Variants in KCNQ2 observed in about 807,000 individuals in gnomAD.
KCNQ2 encodes the protein potassium voltage-gated channel subfamily KQT member 2.
KCNQ2 carries 14 observed loss-of-function variants against 84.8 expected under a neutral mutation model. That is an observed-to-expected ratio of 0.17 (90% confidence interval 0.11 to 0.26). The LOEUF is 0.26. Ranked by LOEUF, KCNQ2 falls within the 10% of genes least tolerant of loss-of-function variation. The probability of loss-of-function intolerance (pLI) is 1.00; values close to 1 mark genes in which losing one functional copy is unlikely to be tolerated. For synonymous variants in KCNQ2, 599 were observed against 554.1 expected, an observed-to-expected ratio of 1.08 and a Z score of -1.14; for missense variants, 788 against 1,254.0, an observed-to-expected ratio of 0.63 and a Z score of 5.61.
chr20:63,470,236 A>AGCTGGGG (rs11281688), intron 1 of KCNQ2, among the ~76,000 whole-genome samples: 17,024 of 147,762 alleles, frequency 0.12, 1,403 homozygotes, highest in East Asian at 0.45. Flanking sequence ...AGAGCCTGGG[A>AGCTGGGG]GCTCAGGGAG....
chr20:63,417,893 T>C lies in KCNQ2; in HGVS notation c.1301+1726A>G, dbSNP rs563777137. ...GGGCCGCCGGGACGCAGCCCACGTG[T>C]ACTGCCCCAGACAGAGCCGGCGGGA... On this transcript the variant is annotated intron_variant, in intron 12 of 16. Coordinates refer to ENST00000359125, the MANE Select transcript of KCNQ2 (RefSeq NM_172107.4). 1.4e-3 allele frequency among the ~76,000 whole-genome samples: 217 copies of C among 152,192 alleles called. 3 individuals carry two copies. Among genetic ancestry groups the C allele is most frequent in the African/African-American group, 4.8e-3 (201 of 41,520 alleles).
At chr20:63,431,295 T>C in intron 9 of KCNQ2, 45 bp downstream of exon 9, 1 of 1,610,868 alleles carries the variant, frequency 6.2e-7, no homozygotes, top group Non-Finnish European at 8.5e-7. Context: ...GACACAGAAC[T>C]AGAACCACAC....
Position 63,408,579 on chromosome 20 carries a change from C to G in KCNQ2, c.1764-43G>C. 2 of 1,603,196 alleles carry G rather than the reference C, an allele frequency of 1.2e-6. No individual in the cohort carries two copies. The highest frequency in any genetic ancestry group is 1.7e-6 in the Non-Finnish European group (2 of 1,176,830). On this transcript the variant is annotated intron_variant, in intron 15 of 16. Coordinates refer to ENST00000359125, the MANE Select transcript of KCNQ2 (RefSeq NM_172107.4). This position sits in a 1 kb window ranked among gnomAD's most constrained non-coding sequence, Gnocchi z 5.0. ...CCCAAAGCATGAGTTCGGGTGGGTG[C>G]AGCAGGGCCCCTGCCCTCTCCTCCT...
intron 8 of KCNQ2, 176 bp downstream of exon 8, chr20:63,433,631 AAC>A: frequency 4.2e-6 from 5 of 1,191,448 alleles, no homozygotes; most frequent in Non-Finnish European, 6.0e-6. Flanking sequence ...CCGCAGCTCT[AAC>A]ACAAAGGGCA....
At chr20:63,412,424 A>C (rs2080148083) in intron 15 of KCNQ2, among the ~76,000 whole-genome samples, 1 of 152,204 alleles carries the variant, frequency 6.6e-6, no homozygotes, top group Non-Finnish European at 1.5e-5. Context: ...ACACGCAGCC[A>C]GGGTTGGCCG....
chr20:63,443,424 T>TCATCACCATCACCATCACCACCAC (rs2081313943), intron 4 of KCNQ2, among the ~76,000 whole-genome samples: 1 of 36,620 alleles, frequency 2.7e-5, no homozygotes, highest in Non-Finnish European at 7.5e-5. Context: ...ATCACCACCA[T>TCATCACCATCACCATCACCACCAC]CATCACCATC....
At chr20:63,421,815 G>A (rs2080479123) in intron 11 of KCNQ2, among the ~76,000 whole-genome samples, 1 of 152,046 alleles carries the variant, frequency 6.6e-6, no homozygotes. Context: ...CGTGGCCAAA[G>A]AGACCCCCCG....
chr20:63,428,563 C>T lies in KCNQ2; in HGVS notation c.1149-128G>A. On this transcript the variant is annotated intron_variant, in intron 9 of 16. Coordinates refer to ENST00000359125, the MANE Select transcript of KCNQ2 (RefSeq NM_172107.4). ...GACACCCGGCGGCATGTGACGTGGC[C>T]AGGCTTTCAGGCAGCTGCCCACTGG... The T allele has an allele frequency of 3.9e-6, 3 of 776,180 alleles. No individual in the cohort carries two copies. In the South Asian group the frequency reaches 4.8e-5, roughly 12 times the overall value. The allele number at this position is 776,180 out of a possible 1,614,324, so 48.1% of individuals were successfully genotyped here.
intron 1 of KCNQ2, among the ~76,000 whole-genome samples, chr20:63,455,145 G>GTGGGAGGACGCTGGGAGGACGA (rs2081743710): frequency 6.6e-6 from 1 of 152,160 alleles, no homozygotes; most frequent in South Asian, 2.1e-4. Flanking sequence ...TGGGAGGACG[G>GTGGGAGGACGCTGGGAGGACGA]TGGGAGGACG....
At chr20:63,410,828 C>T (rs1049545609) in intron 15 of KCNQ2, among the ~76,000 whole-genome samples, 1 of 152,172 alleles carries the variant, frequency 6.6e-6, no homozygotes, top group African/African-American at 2.4e-5. Context: ...ATTGGCTGTA[C>T]CCAGAAACTG....
At chr20:63,470,485 G>C (rs1387503725) in intron 1 of KCNQ2, among the ~76,000 whole-genome samples, 1 of 152,250 alleles carries the variant, frequency 6.6e-6, no homozygotes. Context: ...GGCAGAGACA[G>C]GAAGGAGAGA....
At chr20:63,447,888 T>G (rs1205269604) in intron 1 of KCNQ2, among the ~76,000 whole-genome samples, 1 of 152,070 alleles carries the variant, frequency 6.6e-6, no homozygotes, top group East Asian at 1.9e-4. Context: ...TGAGCTACCA[T>G]GCTCGGCCCA....
At chr20:63,442,341 G>C in intron 5 of KCNQ2, 65 bp downstream of exon 5, 1 of 1,610,562 alleles carries the variant, frequency 6.2e-7, no homozygotes, top group South Asian at 1.1e-5. Flanking sequence ...GTGAGAGCCT[G>C]GTCCCAGCAC....
intron 4 of KCNQ2, 26 bp downstream of exon 4, chr20:63,444,633 C>A: frequency 6.6e-7 from 1 of 1,513,132 alleles, no homozygotes; most frequent in East Asian, 2.4e-5. Flanking sequence ...GGGGCGCCCA[C>A]CGCCAGCCTT....
chr20:63,437,170 G>A (rs1167278372), intron 7 of KCNQ2, among the ~76,000 whole-genome samples: 1 of 152,152 alleles, frequency 6.6e-6, no homozygotes, highest in African/African-American at 2.4e-5. Flanking sequence ...CTGGAACCAC[G>A]GCTGCAGGTC....
In KCNQ2 at chr20:63,408,175, TG is replaced by T; in HGVS notation, c.1887+237del. Reference sequence around the variant, plus strand: ...CTCAGCAGCCCCCACCCAGGACTCCTGGGGACTTTGGCCCTTGGGTACTGTC... The same window carrying T: ...CTCAGCAGCCCCCACCCAGGACTCCTGGGACTTTGGCCCTTGGGTACTGTC... On this transcript the variant is annotated intron_variant, in intron 16 of 16. Coordinates refer to ENST00000359125, the MANE Select transcript of KCNQ2 (RefSeq NM_172107.4). This position sits in a 1 kb window ranked among gnomAD's most constrained non-coding sequence, Gnocchi z 5.0. The T allele has an allele frequency of 1.8e-6, 1 of 547,944 alleles. No homozygotes were observed. Among genetic ancestry groups the T allele is most frequent in the Non-Finnish European group, 3.3e-6 (1 of 303,996 alleles). 33.9% of individuals were successfully genotyped at this position (547,944 alleles called of 1,614,324 possible).
intron 15 of KCNQ2, among the ~76,000 whole-genome samples, chr20:63,410,166 G>C (rs1359302920): frequency 6.6e-6 from 1 of 152,196 alleles, no homozygotes; most frequent in Non-Finnish European, 1.5e-5. Context: ...CGCCAGTGGC[G>C]ATGGAGGAGA....
chr20:63,462,397 AAAT>A (rs2081980881), intron 1 of KCNQ2, among the ~76,000 whole-genome samples: 3 of 104,468 alleles, frequency 2.9e-5, no homozygotes, highest in African/African-American at 1.2e-4. Context: ...GCAGGGAGGA[AAAT>A]GCACCTACCC....
At position 63,460,213 on chromosome 20, in the gene KCNQ2, T is replaced by A. The variant is rs1167215278; in HGVS notation, c.296+11955A>T. On this transcript the variant is annotated intron_variant, in intron 1 of 16. Coordinates refer to ENST00000359125, the MANE Select transcript of KCNQ2 (RefSeq NM_172107.4). The surrounding 1 kb of genome is among the most constrained non-coding windows in gnomAD (Gnocchi z 5.4). ...TGGCCTGGGCTCCTGACCCTGCAGG[T>A]CCCTCCCTGGCCTTACCCAAGCCCT... Among the ~76,000 whole-genome samples, 2 of 152,036 alleles carry A rather than the reference T, an allele frequency of 1.3e-5. No individual in the cohort carries two copies. The highest frequency in any genetic ancestry group is 2.9e-5 in the Non-Finnish European group (2 of 67,994).
Sources: gnomAD v4.1 joint callset for allele counts (sites outside exome capture counted in the v4.1 genomes callset) on GRCh38, gnomAD v4.1.1 for gene constraint, Gnocchi (gnomAD v3.1) non-coding constraint, MANE v1.5 for transcripts, NCBI Gene and HGNC (gene_info 2026-07-23, HGNC 2026-07-21) for gene names.